WIF1: variants seen among roughly 807,000 people sequenced by gnomAD.
The protein encoded by WIF1 is Wnt inhibitory factor 1.
Under a neutral mutation model 53.5 loss-of-function variants are expected in WIF1, and 35 were observed. The ratio of observed to expected loss-of-function variants is 0.65; its 90% confidence interval spans 0.50 to 0.87. The LOEUF (loss-of-function observed/expected upper bound fraction) is 0.87. Among genes scored for constraint, WIF1 ranks in the 40% least tolerant of loss-of-function variants. The pLI is 0.00. For missense variants in WIF1, 467 were observed against 476.8 expected (o/e 0.98, Z 0.19); for synonymous variants, 171 against 170.4 (o/e 1.00, Z -0.03).
At chr12:65,064,617 C>T (rs1294734496) in intron 6 of WIF1, among the ~76,000 whole-genome samples, 1 of 151,698 alleles carries the variant, frequency 6.6e-6, no homozygotes, top group Non-Finnish European at 1.5e-5. Flanking sequence ...CCCAGATCCC[C>T]AGTGAGACCA....
intron 1 of WIF1, 175 bp from the exon 2 acceptor site, chr12:65,120,731 T>C: frequency 1.2e-6 from 1 of 868,400 alleles, no homozygotes. Context: ...ATGATGAGAA[T>C]GATGCCAACA....
At chr12:65,080,186 C>G (rs1161479423) in intron 2 of WIF1, among the ~76,000 whole-genome samples, 1 of 152,160 alleles carries the variant, frequency 6.6e-6, no homozygotes, top group African/African-American at 2.4e-5. Flanking sequence ...AAAGGATAAC[C>G]TTCATGGACC....
intron 2 of WIF1, among the ~76,000 whole-genome samples, chr12:65,089,853 G>A (rs977523081): frequency 1.1e-4 from 16 of 151,824 alleles, no homozygotes; most frequent in African/African-American, 3.4e-4. Context: ...CTATTTTCTT[G>A]TCTCTTCCCC....
chr12:65,060,733 A>G (rs1014312600), intron 7 of WIF1, among the ~76,000 whole-genome samples: 1 of 152,204 alleles, frequency 6.6e-6, no homozygotes, highest in Non-Finnish European at 1.5e-5. Context: ...TAATTCAACT[A>G]TACTTTTTTG....
intron 5 of WIF1, among the ~76,000 whole-genome samples, chr12:65,067,319 A>G (rs887005341): frequency 1.3e-5 from 2 of 152,144 alleles, no homozygotes; most frequent in Non-Finnish European, 2.9e-5. Context: ...TACTACACAA[A>G]TTCATCCACT....
At chr12:65,071,380 C>A (rs769567592) in intron 3 of WIF1, among the ~76,000 whole-genome samples, 6 of 151,146 alleles carry the variant, frequency 4.0e-5, no homozygotes, top group Non-Finnish European at 8.9e-5. Context: ...TTGCAGGGAA[C>A]AAAAGCGAGG....
chr12:65,119,576 G>GA (rs71453884), intron 2 of WIF1, among the ~76,000 whole-genome samples: 1 of 151,674 alleles, frequency 6.6e-6, no homozygotes, highest in Non-Finnish European at 1.5e-5. Flanking sequence ...ATAAAAGACC[G>GA]AAAAATGTGG....
intron 2 of WIF1, 70 bp from the exon 3 acceptor site, chr12:65,077,924 G>T: frequency 1.7e-6 from 2 of 1,179,586 alleles, no homozygotes; most frequent in Non-Finnish European, 2.5e-6. Context: ...AGAATTCATC[G>T]TCCATCTGAT....
At chr12:65,059,025 C>T (rs1279312200) in intron 7 of WIF1, among the ~76,000 whole-genome samples, 1 of 151,222 alleles carries the variant, frequency 6.6e-6, no homozygotes, top group Non-Finnish European at 1.5e-5. Flanking sequence ...GCACTCCAGC[C>T]TAGGTGACAG....
chr12:65,115,478 TA>T (rs1280033442), intron 2 of WIF1, among the ~76,000 whole-genome samples: 1 of 152,236 alleles, frequency 6.6e-6, no homozygotes, highest in Non-Finnish European at 1.5e-5. Flanking sequence ...TAGAAAGGGT[TA>T]TTTTCCAAAT....
intron 6 of WIF1, among the ~76,000 whole-genome samples, chr12:65,065,281 T>A (rs1345026492): frequency 3.3e-5 from 5 of 152,018 alleles, no homozygotes; most frequent in African/African-American, 1.2e-4. Flanking sequence ...CACAGAGAGA[T>A]CAAGTTGCCT....
intron 7 of WIF1, among the ~76,000 whole-genome samples, chr12:65,061,971 G>A (rs753894856): frequency 1.3e-5 from 2 of 152,136 alleles, no homozygotes; most frequent in Non-Finnish European, 2.9e-5. Context: ...GTTGCTGTTT[G>A]TGCTACTATT....
intron 2 of WIF1, among the ~76,000 whole-genome samples, chr12:65,119,934 C>A (rs1462930593): frequency 1.3e-5 from 2 of 152,228 alleles, no homozygotes; most frequent in Non-Finnish European, 2.9e-5. Flanking sequence ...GGTCTAACTT[C>A]TACCAGAAAT....
rs1366399852 is a variant in WIF1, at chr12:65,066,756, C to G, written c.635-20G>C. The G allele has an allele frequency of 1.3e-6, 2 of 1,555,812 alleles. No individual in the cohort carries two copies. Among genetic ancestry groups the G allele is most frequent in the African/African-American group, 2.8e-5 (2 of 72,422 alleles). On this transcript the variant is annotated intron_variant, in intron 5 of 9. Coordinates refer to ENST00000286574, the MANE Select transcript of WIF1 (RefSeq NM_007191.5). Reference sequence around the variant, plus strand: ...AAAGGGCTTATAGGGAGAGAGAACCCTGATTAAGGCCAAATGGTATTTTGG... The same window carrying G: ...AAAGGGCTTATAGGGAGAGAGAACCGTGATTAAGGCCAAATGGTATTTTGG...
chr12:65,077,894 A>T, intron 2 of WIF1, 40 bp from the exon 3 acceptor site: 1 of 1,492,616 alleles, frequency 6.7e-7, no homozygotes, highest in Non-Finnish European at 9.3e-7. Context: ...CATGGAAACC[A>T]GAGAGGGAGA....
At chr12:65,074,710 C>T (rs896095084) in intron 3 of WIF1, among the ~76,000 whole-genome samples, 1 of 145,362 alleles carries the variant, frequency 6.9e-6, no homozygotes, top group African/African-American at 2.5e-5. Flanking sequence ...CCCAGCTACT[C>T]AGGAGGCTGA....
intron 2 of WIF1, among the ~76,000 whole-genome samples, chr12:65,111,596 A>AGTTACTGT (rs1454348421): frequency 3.3e-5 from 5 of 152,110 alleles, no homozygotes; most frequent in African/African-American, 1.2e-4. Context: ...TCAGCTCTGG[A>AGTTACTGT]GTTACTTTTC....
At chr12:65,102,065 T>C (rs1030526144) in intron 2 of WIF1, among the ~76,000 whole-genome samples, 1 of 152,226 alleles carries the variant, frequency 6.6e-6, no homozygotes, top group Admixed American at 6.5e-5. Flanking sequence ...TTGTAAAAAG[T>C]AATTTAATTA....
At chr12:65,120,673 T>A (rs1364921350) in intron 1 of WIF1, 117 bp from the exon 2 acceptor site, 1 of 1,236,628 alleles carries the variant, frequency 8.1e-7, no homozygotes, top group East Asian at 2.4e-5. Context: ...TTCACAAGCA[T>A]CTGCCTTCAG....
Sources: gnomAD v4.1 joint callset for allele counts (sites outside exome capture counted in the v4.1 genomes callset) on GRCh38, gnomAD v4.1.1 for gene constraint, MANE v1.5 for transcripts, NCBI Gene and HGNC (gene_info 2026-07-23, HGNC 2026-07-21) for gene names.